The following NXNL2 variants were observed in gnomAD, a reference collection of about 807,000 sequenced individuals.
The protein encoded by NXNL2 is nucleoredoxin-like protein 2.
In NXNL2, 7 loss-of-function variants were observed where a neutral mutation model predicts 11.1. That is an observed-to-expected ratio of 0.63 (90% CI 0.36 to 1.18). The LOEUF is 1.18. NXNL2 is among the 50% of genes most tolerant of loss of function. NXNL2 has a pLI of 0.02. For missense variants in NXNL2, 233 were observed against 217.7 expected (o/e 1.07, Z -0.44); for synonymous variants, 109 against 101.8 (o/e 1.07, Z -0.42).
chr9:88,569,870 G>A (rs13440157), intron 1 of NXNL2, among the ~76,000 whole-genome samples: 2 of 151,770 alleles, frequency 1.3e-5, no homozygotes, highest in Non-Finnish European at 2.9e-5. Flanking sequence ...ATTTTATTTC[G>A]GTTATTTGCA....
At chr9:88,556,027 G>A (rs1443680244) in intron 1 of NXNL2, among the ~76,000 whole-genome samples, 1 of 152,168 alleles carries the variant, frequency 6.6e-6, no homozygotes, top group African/African-American at 2.4e-5. Context: ...TCTGGATGAG[G>A]GCAACACAGT....
At position 88,535,512 on chromosome 9, in the gene NXNL2, C is replaced by G. The variant is rs1411334170; in HGVS notation, c.78C>G (p.Asn26Lys). Residue 26 changes from asparagine (N) to lysine (K), a missense_variant, in exon 1 of 2, where the codon AAC becomes AAG. Asn to Lys is a moderately conservative substitution (Grantham distance 94, BLOSUM62 0). Transcript: ENST00000375854. ...ATVEAEAALQ[N>K]KVVALYFAAA... ...TGGAGGCCGAGGCGGCGCTGCAGAA[C>G]AAGGTGGTGGCACTGTACTTCGCGG... 6.2e-7 allele frequency: 1 copy of G among 1,610,506 alleles called. No homozygotes were observed. Among genetic ancestry groups the G allele is most frequent in the South Asian group, 1.1e-5 (1 of 90,908 alleles).
downstream of NXNL2, among the ~76,000 whole-genome samples, chr9:88,576,412 G>A (rs117790956): frequency 9.0e-3 from 1,367 of 152,252 alleles, 14 homozygotes; most frequent in South Asian, 0.022. Context: ...CAGCTCCCAC[G>A]TGGGCCAGGT....
chr9:88,540,294 T>C (rs181624763), intron 1 of NXNL2, among the ~76,000 whole-genome samples: 5 of 150,576 alleles, frequency 3.3e-5, no homozygotes, highest in Non-Finnish European at 7.4e-5. Context: ...ATTGTACCAC[T>C]GCACTCCAGT....
At chr9:88,578,118 CT>C (rs1446141778), downstream of NXNL2, among the ~76,000 whole-genome samples, 3 of 152,216 alleles carry the variant, frequency 2.0e-5, no homozygotes, top group African/African-American at 7.2e-5. Context: ...GAGGGCACCC[CT>C]GGCAATGTCC....
At position 88,557,076 on chromosome 9, in the gene NXNL2, A is replaced by C. The variant is rs540804682; in HGVS notation, c.303-14011A>C. On this transcript the variant is annotated intron_variant, in intron 1 of 2. Transcript: ENST00000375855. ...ATCCTAGGTGACAGAGTGAGACTCC[A>C]TCTCAAAAAAAAAAAAAAAAAAAAA... Among the ~76,000 whole-genome samples, 7 of 118,804 alleles carry C rather than the reference A, an allele frequency of 5.9e-5. No homozygotes were observed. In the South Asian group the frequency reaches 9.2e-4, roughly 16 times the overall value. 77.9% of individuals were successfully genotyped at this position (118,804 alleles called of 152,430 possible). A position where few individuals can be genotyped will look rare whatever the true frequency, so the allele number is the denominator to read the frequency against.
intron 1 of NXNL2, among the ~76,000 whole-genome samples, chr9:88,566,923 TATCTA>T (rs1830178295): frequency 6.6e-6 from 1 of 152,170 alleles, no homozygotes; most frequent in Non-Finnish European, 1.5e-5. Flanking sequence ...TCTATCTATC[TATCTA>T]ATCTAGCTCT....
chr9:88,561,782 A>G (rs1468193662), intron 1 of NXNL2, among the ~76,000 whole-genome samples: 1 of 152,246 alleles, frequency 6.6e-6, no homozygotes, highest in Non-Finnish European at 1.5e-5. Context: ...CACACCCACC[A>G]GAAGGACTCT....
At chr9:88,575,170 C>T (rs1830331747) in exon 3 of NXNL2, 2 of 985,118 alleles carry the variant, frequency 2.0e-6, no homozygotes, top group Non-Finnish European at 2.4e-6. Context: ...CCCGCACCAT[C>T]CGTGTCCTGC....
At chr9:88,556,751 A>C (rs755423444) in intron 1 of NXNL2, among the ~76,000 whole-genome samples, 39 of 151,992 alleles carry the variant, frequency 2.6e-4, no homozygotes, top group Non-Finnish European at 4.9e-4. Flanking sequence ...TTGGCTCATC[A>C]GATTGTTGTA....
chr9:88,547,681 A>T (rs936581340), downstream of NXNL2, among the ~76,000 whole-genome samples: 10 of 152,190 alleles, frequency 6.6e-5, no homozygotes, highest in Non-Finnish European at 1.5e-4. Flanking sequence ...TCTTTGAGCC[A>T]TTTGGTAAAC....
downstream of NXNL2, chr9:88,575,810 T>G (rs1354561345): frequency 6.6e-6 from 1 of 152,242 alleles, no homozygotes; most frequent in Non-Finnish European, 1.5e-5. Flanking sequence ...GATTCTTCAT[T>G]ATGTGATTAT....
intron 1 of NXNL2, among the ~76,000 whole-genome samples, chr9:88,557,957 A>C (rs1461724838): frequency 6.6e-6 from 1 of 152,174 alleles, no homozygotes; most frequent in Non-Finnish European, 1.5e-5. Flanking sequence ...TTCAGTGGGA[A>C]TAGGATTGTG....
intron 1 of NXNL2, among the ~76,000 whole-genome samples, chr9:88,559,023 A>G (rs967526447): frequency 6.6e-6 from 1 of 152,076 alleles, no homozygotes; most frequent in Non-Finnish European, 1.5e-5. Context: ...GAGCAAATAG[A>G]TGTCTCTGCA....
At chr9:88,552,444 G>A (rs1829948314) in intron 1 of NXNL2, among the ~76,000 whole-genome samples, 1 of 149,744 alleles carries the variant, frequency 6.7e-6, no homozygotes, top group South Asian at 2.1e-4. Context: ...AATGCCATGT[G>A]AATCTAGTTT....
At chr9:88,556,227 C>T (rs140454684) in intron 1 of NXNL2, among the ~76,000 whole-genome samples, 50 of 152,242 alleles carry the variant, frequency 3.3e-4, no homozygotes, top group African/African-American at 1.1e-3. Flanking sequence ...TGTTTCAGCT[C>T]GTTTGCCCAC....
Position 88,544,481 on chromosome 9 carries a change from A to G in NXNL2, c.405A>G (p.Glu135=). The G allele has an allele frequency of 6.4e-7, 1 of 1,551,656 alleles. No individual in the cohort carries two copies. Residue 135 remains glutamate (E), a synonymous_variant, in exon 2 of 2, where the codon GAA becomes GAG. Coordinates refer to ENST00000375854, the MANE Select transcript of NXNL2 (RefSeq NM_001161625.2). Reference sequence around the variant, plus strand: ...ACAAAGGGCGGAAGCAGATCCGGGAACGGGGGTTGGCCTGCTTCCAGGACT... The same window carrying G: ...ACAAAGGGCGGAAGCAGATCCGGGAGCGGGGGTTGGCCTGCTTCCAGGACT... The part of the protein sequence containing the change: ...ITNKGRKQIR[E]RGLACFQDWV...
chr9:88,568,931 GA>G (rs1306980792), intron 1 of NXNL2, among the ~76,000 whole-genome samples: 1 of 150,228 alleles, frequency 6.7e-6, no homozygotes, highest in Non-Finnish European at 1.5e-5. Flanking sequence ...ATCTCTTGAT[GA>G]ATTTTTTTTT....
At chr9:88,544,096 G>A (rs1263404503) in intron 1 of NXNL2, among the ~76,000 whole-genome samples, 3 of 152,172 alleles carry the variant, frequency 2.0e-5, no homozygotes, top group African/African-American at 7.2e-5. Flanking sequence ...GCTTGAACGT[G>A]GGAGGTGGAG....
Sources: allele counts gnomAD v4.1 joint callset (sites outside exome capture counted in the v4.1 genomes callset), GRCh38; gene constraint gnomAD v4.1.1; transcripts MANE v1.5; gene names NCBI Gene and HGNC (gene_info 2026-07-23, HGNC 2026-07-21).